The following FAM162B variants were observed in gnomAD, a reference collection of about 807,000 sequenced individuals.
The protein encoded by FAM162B is family with sequence similarity 162 member B.
Under a neutral mutation model 20.0 loss-of-function variants are expected in FAM162B, and 16 were observed. The ratio of observed to expected loss-of-function variants is 0.80; its 90% CI spans 0.54 to 1.21. The LOEUF (loss-of-function observed/expected upper bound fraction) is 1.21, where lower values mean the gene tolerates loss of function less well. Among genes scored for constraint, FAM162B ranks in the 50% most tolerant of loss-of-function variants. The probability of loss-of-function intolerance (pLI) is 0.00; values close to 1 mark genes in which losing one functional copy is unlikely to be tolerated. For synonymous variants in FAM162B, 83 were observed against 89.7 expected (o/e 0.93, Z 0.42); for missense variants, 260 against 227.5 (o/e 1.14, Z -0.92).
intron 3 of FAM162B, among the ~76,000 whole-genome samples, chr6:116,758,966 G>T (rs960363494): frequency 1.1e-4 from 17 of 151,974 alleles, no homozygotes; most frequent in African/African-American, 4.1e-4. Flanking sequence ...TCCTCCCTTA[G>T]AACTATTATT....
At chr6:116,761,955 G>C in intron 3 of FAM162B, 22 bp downstream of exon 3, 1 of 1,543,512 alleles carries the variant, frequency 6.5e-7, no homozygotes, top group Non-Finnish European at 8.9e-7. Context: ...TAACTGACTT[G>C]CCCTTTTAAG....
At chr6:116,760,308 T>C (rs764943111) in intron 3 of FAM162B, among the ~76,000 whole-genome samples, 1 of 152,202 alleles carries the variant, frequency 6.6e-6, no homozygotes, top group East Asian at 1.9e-4. Flanking sequence ...TGATTTATAA[T>C]AGAATTATAT....
At chr6:116,762,934 A>G (rs761544650) in intron 2 of FAM162B, among the ~76,000 whole-genome samples, 4 of 152,134 alleles carry the variant, frequency 2.6e-5, no homozygotes, top group Non-Finnish European at 5.9e-5. Context: ...ATTATAATAT[A>G]TTCATTGGTA....
rs1771907579 is a variant in FAM162B, at chr6:116,765,696, G to A, written c.-120C>T. 6 of 1,126,958 alleles carry A rather than the reference G, an allele frequency of 5.3e-6. No homozygotes were observed. Among genetic ancestry groups the A allele is most frequent in the Non-Finnish European group, 5.6e-6 (5 of 892,652 alleles). The allele number at this position is 1,126,958 out of a possible 1,614,324, so 69.8% of individuals were successfully genotyped here. On this transcript the variant is annotated 5_prime_UTR_variant, in exon 1 of 4. Transcript: ENST00000368557. Reference sequence around the variant, plus strand: ...GCTGGAGAGCCTGGGACGTGCAGCTGGAACCCCTGGCGCTCGCACACTCAG... The same window carrying A: ...GCTGGAGAGCCTGGGACGTGCAGCTAGAACCCCTGGCGCTCGCACACTCAG...
chr6:116,765,338 C>T (rs1417612446), intron 1 of FAM162B, 67 bp downstream of exon 1: 5 of 1,540,588 alleles, frequency 3.2e-6, no homozygotes, highest in African/African-American at 2.7e-5. Context: ...GACTCCCGGG[C>T]CGGCCCCTCG....
intron 3 of FAM162B, among the ~76,000 whole-genome samples, chr6:116,760,778 T>G (rs1048884804): frequency 1.3e-5 from 2 of 152,200 alleles, no homozygotes; most frequent in African/African-American, 4.8e-5. Flanking sequence ...TCCATGCTAA[T>G]AGGAATGAAA....
At chr6:116,757,234 C>T (rs1780061140) in intron 3 of FAM162B, among the ~76,000 whole-genome samples, 1 of 152,062 alleles carries the variant, frequency 6.6e-6, no homozygotes, top group Non-Finnish European at 1.5e-5. Context: ...GTAATCACAG[C>T]TAAAGAGGTA....
rs1050356203 is a variant in FAM162B, at chr6:116,765,334, C to T, written c.172+71G>A. 1.9e-5 allele frequency: 29 copies of T among 1,546,276 alleles called. 1 individual carries two copies. The highest frequency in any genetic ancestry group is 2.3e-5 in the Non-Finnish European group (26 of 1,142,930). On this transcript the variant is annotated intron_variant, in intron 1 of 3. Coordinates refer to ENST00000368557, the MANE Select transcript of FAM162B (RefSeq NM_001085480.3). The stretch of plus-strand genomic sequence containing the variant: ...ATCAGCGCGCCCTCAAGCCGACTCC[C>T]GGGCCGGCCCCTCGCTGCCCTCCCG...
intron 3 of FAM162B, among the ~76,000 whole-genome samples, chr6:116,758,347 C>A (rs898464773): frequency 3.3e-5 from 5 of 152,142 alleles, no homozygotes; most frequent in Non-Finnish European, 7.4e-5. Context: ...GACTTCTTTT[C>A]CTGTGTTTAA....
intron 2 of FAM162B, 117 bp from the exon 3 acceptor site, chr6:116,762,202 T>A: frequency 1.4e-6 from 1 of 722,856 alleles, no homozygotes; most frequent in Non-Finnish European, 2.2e-6. Context: ...AAACTGCATT[T>A]GGTGACATTT....
At chr6:116,761,932 G>A (rs749264787) in intron 3 of FAM162B, 45 bp downstream of exon 3, 4 of 1,418,934 alleles carry the variant, frequency 2.8e-6, no homozygotes, top group South Asian at 1.3e-5. Context: ...TTAAAAAGAG[G>A]TACTTACCCT....
intron 2 of FAM162B, 81 bp downstream of exon 2, chr6:116,765,066 G>A: frequency 7.2e-7 from 1 of 1,381,522 alleles, no homozygotes; most frequent in South Asian, 1.2e-5. Flanking sequence ...GCTCCTAGGT[G>A]GCCGCGGTCG....
chr6:116,765,697 G>T lies in FAM162B; in HGVS notation c.-121C>A. On this transcript the variant is annotated 5_prime_UTR_variant, in exon 1 of 4. Coordinates refer to ENST00000368557, the MANE Select transcript of FAM162B (RefSeq NM_001085480.3). Reference sequence around the variant, plus strand: ...CTGGAGAGCCTGGGACGTGCAGCTGGAACCCCTGGCGCTCGCACACTCAGC... The same window carrying T: ...CTGGAGAGCCTGGGACGTGCAGCTGTAACCCCTGGCGCTCGCACACTCAGC... 1 of 1,127,478 alleles carries T rather than the reference G, an allele frequency of 8.9e-7. No individual in the cohort carries two copies. Among genetic ancestry groups the T allele is most frequent in the Non-Finnish European group, 1.1e-6 (1 of 893,224 alleles). 69.8% of individuals were successfully genotyped at this position (1,127,478 alleles called of 1,614,324 possible).
intron 3 of FAM162B, among the ~76,000 whole-genome samples, chr6:116,757,610 A>C (rs1780066881): frequency 6.6e-6 from 1 of 152,040 alleles, no homozygotes; most frequent in Admixed American, 6.5e-5. Flanking sequence ...TTAGCCCGGC[A>C]TGGTCATTGA....
In FAM162B at chr6:116,759,299, CT is replaced by C. The variant is rs376112360; in HGVS notation, c.390+2677del. Among the ~76,000 whole-genome samples, 806 of 125,564 alleles carry C rather than the reference CT, an allele frequency of 6.4e-3. 2 individuals carry two copies. Among genetic ancestry groups the C allele is most frequent in the South Asian group, 0.019 (77 of 4,078 alleles). 82.4% of individuals were successfully genotyped at this position (125,564 alleles called of 152,430 possible). ...GGATCCTTATTTCTAATCTTTCTTT[CT>C]TTTTTTTTTTTTTTTTATTTTTTGA... is the stretch of plus-strand genomic sequence containing the variant. On this transcript the variant is annotated intron_variant, in intron 3 of 3. Coordinates refer to ENST00000368557, the MANE Select transcript of FAM162B (RefSeq NM_001085480.3).
chr6:116,765,413 T>TGGGGCCCAGAATTGCTG lies in FAM162B; in HGVS notation c.147_163dup (p.Gln55ProfsTer49). The TGGGGCCCAGAATTGCTG allele has an allele frequency of 2.1e-6, 3 of 1,457,676 alleles. No homozygotes were observed. Among genetic ancestry groups the TGGGGCCCAGAATTGCTG allele is most frequent in the Non-Finnish European group, 2.7e-6 (3 of 1,103,168 alleles). The allele number at this position is 1,457,676 out of a possible 1,614,324, so 90.3% of individuals were successfully genotyped here. A position where few individuals can be genotyped will look rare whatever the true frequency, so the allele number is the denominator to read the frequency against. ...TCGGAGCCCTGGCTCACCGTGACCT[T>TGGGGCCCAGAATTGCTG]GGGGCCCAGAATTGCTGGGGGCCCC... On this transcript the variant is annotated frameshift_variant, in exon 1 of 4. Coordinates refer to ENST00000368557, the MANE Select transcript of FAM162B (RefSeq NM_001085480.3). LOFTEE classifies it high-confidence loss of function.
Position 116,762,017 on chromosome 6 carries a change from G to T in FAM162B, c.350C>A (p.Thr117Lys), listed in dbSNP as rs746440501. 18 of 1,602,834 alleles carry T rather than the reference G, an allele frequency of 1.1e-5. No homozygotes were observed. The highest frequency in any genetic ancestry group is 2.2e-5 in the East Asian group (1 of 44,766). ...TATCACAGCAAAGCAGGCGATAATT[G>T]TGAGTCCAATCATTATGTAACAAGC... is the stretch of plus-strand genomic sequence containing the variant. ...VKACYIMIGL[T>K]IIACFAVIVS... Residue 117 changes from threonine (T) to lysine (K), a missense_variant, in exon 3 of 4, where the codon ACA (threonine) becomes AAA (lysine). Coordinates refer to ENST00000368557, the MANE Select transcript of FAM162B (RefSeq NM_001085480.3).
intron 3 of FAM162B, among the ~76,000 whole-genome samples, chr6:116,754,607 T>C (rs1179859772): frequency 2.6e-5 from 4 of 152,316 alleles, no homozygotes; most frequent in African/African-American, 9.6e-5. Context: ...TTGAGGAACC[T>C]GTGACAGTTC....
Position 116,765,229 on chromosome 6 carries a change from G to C in FAM162B, c.199C>G (p.Arg67Gly). 3 of 1,613,816 alleles carry C rather than the reference G, an allele frequency of 1.9e-6. No individual in the cohort carries two copies. Among genetic ancestry groups the C allele is most frequent in the Non-Finnish European group, 2.5e-6 (3 of 1,179,950 alleles). ...TTCTTGTCGAACTGCGAAGGCCTGC[G>C]CTGCGTGGGGACTCGGTGAATCTCC... Reference protein sequence around the residue: ...HGEIHRVPTQRRPSQFDKKIL... With the variant: ...HGEIHRVPTQGRPSQFDKKIL... The change falls in exon 2 of 4, where the codon CGC becomes GGC. Residue 67 changes from arginine to glycine, a missense_variant. Transcript: ENST00000368557.
Sources: gnomAD v4.1 joint callset for allele counts (sites outside exome capture counted in the v4.1 genomes callset) on GRCh38, gnomAD v4.1.1 for gene constraint, MANE v1.5 for transcripts, NCBI Gene and HGNC (gene_info 2026-07-23, HGNC 2026-07-21) for gene names.